The following UNC79 variants were observed in gnomAD, a reference collection of about 807,000 sequenced individuals.
UNC79 encodes the protein unc-79 subunit of NALCN channel complex.
Under a neutral mutation model 283.1 loss-of-function variants are expected in UNC79, and 37 were observed. The ratio of observed to expected loss-of-function variants is 0.13; its 90% CI spans 0.10 to 0.17. The LOEUF (loss-of-function observed/expected upper bound fraction) is 0.17. UNC79 is among the 10% of genes least tolerant of loss of function. The pLI, the probability that UNC79 is intolerant of heterozygous loss-of-function variation, is 1.00. For synonymous variants in UNC79, 1,107 were observed against 1,200.2 expected (o/e 0.92, Z 1.61); for missense variants, 2,272 against 3,211.1 (o/e 0.71, Z 7.07).
chr14:93,553,383 T>C (rs1239029410), intron 14 of UNC79, among the ~76,000 whole-genome samples: 1 of 152,212 alleles, frequency 6.6e-6, no homozygotes, highest in Non-Finnish European at 1.5e-5. Flanking sequence ...CTGCTTGATA[T>C]TTATGGACAC....
chr14:93,543,681 A>G (rs2061476849), intron 14 of UNC79, among the ~76,000 whole-genome samples: 1 of 152,136 alleles, frequency 6.6e-6, no homozygotes. Flanking sequence ...TATTTTTTGA[A>G]TATGATGTAA....
At chr14:93,700,605 G>A (rs2075458472) in intron 47 of UNC79, among the ~76,000 whole-genome samples, 1 of 151,952 alleles carries the variant, frequency 6.6e-6, no homozygotes, top group South Asian at 2.1e-4. Context: ...CTTGGGTGAT[G>A]GATATTTTTA....
intron 40 of UNC79, among the ~76,000 whole-genome samples, chr14:93,668,045 ATTATATT>A (rs2072408337): frequency 6.6e-6 from 1 of 152,220 alleles, no homozygotes; most frequent in Admixed American, 6.5e-5. Flanking sequence ...TCTAGCCAGC[ATTATATT>A]TAATGGTGAA....
chr14:93,343,911 T>C (rs1314550914), intron 1 of UNC79, among the ~76,000 whole-genome samples: 4 of 152,084 alleles, frequency 2.6e-5, no homozygotes, highest in South Asian at 2.1e-4. Flanking sequence ...AAACCCTTTA[T>C]TGAAAATTGT....
chr14:93,433,504 A>T (rs2055959797), intron 1 of UNC79, among the ~76,000 whole-genome samples: 1 of 152,150 alleles, frequency 6.6e-6, no homozygotes, highest in African/African-American at 2.4e-5. Flanking sequence ...GACTTGGTAG[A>T]AGTTTAGCTA....
At chr14:93,338,924 AC>A in intron 1 of UNC79, among the ~76,000 whole-genome samples, 1 of 152,178 alleles carries the variant, frequency 6.6e-6, no homozygotes, top group Non-Finnish European at 1.5e-5. Context: ...AACAAAAAAA[AC>A]TTCAGACAAA....
intron 1 of UNC79, among the ~76,000 whole-genome samples, chr14:93,400,703 C>G (rs2140027376): frequency 6.6e-6 from 1 of 152,192 alleles, no homozygotes; most frequent in African/African-American, 2.4e-5. Flanking sequence ...AGGGTGCTTA[C>G]TCTAAATCAT....
At chr14:93,352,067 A>G (rs545312438) in intron 1 of UNC79, among the ~76,000 whole-genome samples, 1 of 152,362 alleles carries the variant, frequency 6.6e-6, no homozygotes, top group South Asian at 2.1e-4. Flanking sequence ...TTTCGGAGTG[A>G]GAGAGCATGA....
chr14:93,622,085 C>A lies in UNC79; in HGVS notation c.4852C>A (p.Pro1618Thr), dbSNP rs1324912531. ...TCTATCCTCAGATTCAACCTCGGGG[C>A]CTGAAAAACACTCTATACTCTCAAC... is the stretch of plus-strand genomic sequence containing the variant. Residue 1618 changes from proline to threonine, a missense_variant, in exon 30 of 49, where the codon CCT (proline) becomes ACT (threonine). Transcript: ENST00000555664. The A allele has an allele frequency of 1.9e-6, 3 of 1,614,088 alleles. No homozygotes were observed. In the Admixed American group the frequency reaches 5.0e-5, roughly 27 times the overall value.
intron 33 of UNC79, 46 bp downstream of exon 36, chr14:93,641,293 G>A (rs1449881926): frequency 6.4e-6 from 10 of 1,562,058 alleles, no homozygotes; most frequent in Non-Finnish European, 8.7e-6. Context: ...CAGAATTTAA[G>A]TTTGGTTACC....
chr14:93,590,843 A>G (rs559979624), intron 22 of UNC79, among the ~76,000 whole-genome samples: 8 of 152,242 alleles, frequency 5.3e-5, no homozygotes, highest in Middle Eastern at 3.4e-3. Flanking sequence ...CTTCAACTAC[A>G]CCGGAAGTTC....
intron 7 of UNC79, among the ~76,000 whole-genome samples, chr14:93,502,859 T>C (rs1003421631): frequency 1.3e-5 from 2 of 152,208 alleles, no homozygotes; most frequent in African/African-American, 4.8e-5. Context: ...CTACCAAATA[T>C]CACATCAGTA....
At chr14:93,522,768 G>A (rs916273822) in intron 7 of UNC79, among the ~76,000 whole-genome samples, 7 of 151,896 alleles carry the variant, frequency 4.6e-5, no homozygotes, top group Non-Finnish European at 8.8e-5. Context: ...TGTATTTCTT[G>A]TCTTCTTTTC....
At chr14:93,672,457 A>C (rs556980705) in intron 40 of UNC79, among the ~76,000 whole-genome samples, 1 of 152,344 alleles carries the variant, frequency 6.6e-6, no homozygotes, top group East Asian at 1.9e-4. Flanking sequence ...GGGATGCTAA[A>C]AAAAGATTGA....
chr14:93,448,683 T>C (rs1434159278), intron 1 of UNC79, among the ~76,000 whole-genome samples: 1 of 152,216 alleles, frequency 6.6e-6, no homozygotes, highest in African/African-American at 2.4e-5. Flanking sequence ...GTAATTTTCC[T>C]GGCTGGGATG....
Position 93,604,966 on chromosome 14 carries a change from G to A in UNC79, c.3754+1548G>A. The A allele has an allele frequency of 1.3e-6, 2 of 1,577,792 alleles. No individual in the cohort carries two copies. The highest frequency in any genetic ancestry group is 8.6e-7 in the Non-Finnish European group (1 of 1,169,520). Reference sequence around the variant, plus strand: ...GGACACCCGAACAGACGCCAGGTGGGTACTTCTGACATTGAAGGGCCATGT... The same window carrying A: ...GGACACCCGAACAGACGCCAGGTGGATACTTCTGACATTGAAGGGCCATGT... On this transcript the variant is annotated intron_variant, in intron 26 of 48. Transcript: ENST00000555664.
rs141183376 is a variant in UNC79, at chr14:93,336,871, C to T, written c.-351+3348C>T. ...TCCAAATCTCATGTTGAAATGTAAT[C>T]GCCAGTGTTGGAAGTGGGACCTGGT... is the stretch of plus-strand genomic sequence containing the variant. On this transcript the variant is annotated intron_variant, in intron 1 of 49. Transcript: ENST00000256339. 1.7e-3 allele frequency among the ~76,000 whole-genome samples: 258 copies of T among 152,132 alleles called. 1 individual carries two copies. Among genetic ancestry groups the T allele is most frequent in the African/African-American group, 5.9e-3 (246 of 41,492 alleles).
chr14:93,435,811 G>T lies in UNC79; in HGVS notation c.22+4760G>T, dbSNP rs367843566. On this transcript the variant is annotated intron_variant, in intron 1 of 48. Transcript: ENST00000555664. ...TTTACCTCTTCAATGCAGTTACAATGAACTATTTTTTCAGTTCCTCCAATG... is the reference window on the plus strand; with the variant it reads ...TTTACCTCTTCAATGCAGTTACAATTAACTATTTTTTCAGTTCCTCCAATG... Among the ~76,000 whole-genome samples the T allele has an allele frequency of 2.0e-5, 3 of 152,230 alleles. No homozygotes were observed. The South Asian group carries it at 6.2e-4, about 32-fold the overall frequency.
At chr14:93,351,102 C>T (rs1406508717) in intron 1 of UNC79, among the ~76,000 whole-genome samples, 1 of 152,138 alleles carries the variant, frequency 6.6e-6, no homozygotes, top group Non-Finnish European at 1.5e-5. Flanking sequence ...TTAGATAAAG[C>T]CCATTTATGG....
Sources: gnomAD v4.1 joint callset for allele counts (sites outside exome capture counted in the v4.1 genomes callset) on GRCh38, gnomAD v4.1.1 for gene constraint, MANE v1.5 for transcripts, NCBI Gene and HGNC (gene_info 2026-07-23, HGNC 2026-07-21) for gene names.